Variants in PALLD observed in about 807,000 individuals in gnomAD.
PALLD encodes the protein palladin.
In PALLD, 61 loss-of-function variants were observed where a neutral mutation model predicts 123.5. The observed-to-expected ratio is 0.49, with a 90% CI of 0.40 to 0.61. PALLD has a LOEUF of 0.61. Among genes scored for constraint, PALLD ranks in the 20% least tolerant of loss-of-function variants. PALLD has a pLI of 0.00. For missense variants in PALLD, 1,273 were observed against 1,377.0 expected, an observed-to-expected ratio of 0.92 and a Z score of 1.20; for synonymous variants, 465 against 496.4, an observed-to-expected ratio of 0.94 and a Z score of 0.84.
intron 15 of PALLD, among the ~76,000 whole-genome samples, chr4:168,910,831 T>G (rs771020678): frequency 1.3e-5 from 2 of 152,250 alleles, no homozygotes. Context: ...ATTCCAGGAT[T>G]AAGAGCACTA....
chr4:168,871,991 G>A (rs1415439059), intron 10 of PALLD, among the ~76,000 whole-genome samples: 1 of 152,178 alleles, frequency 6.6e-6, no homozygotes, highest in Non-Finnish European at 1.5e-5. Context: ...ACATCTGGAA[G>A]CCAGCGGCAG....
At chr4:168,681,035 G>A (rs115936255) in intron 3 of PALLD, among the ~76,000 whole-genome samples, 4 of 152,098 alleles carry the variant, frequency 2.6e-5, no homozygotes, top group Non-Finnish European at 4.4e-5. Flanking sequence ...ATAGTTTATA[G>A]CCATTTAAAA....
At chr4:168,551,194 T>C (rs1168763375) in intron 2 of PALLD, among the ~76,000 whole-genome samples, 1 of 152,212 alleles carries the variant, frequency 6.6e-6, no homozygotes, top group African/African-American at 2.4e-5. Context: ...AATAAATCTA[T>C]TTTTATGTGC....
chr4:168,918,070 G>T (rs1760581118), intron 17 of PALLD, among the ~76,000 whole-genome samples: 1 of 151,918 alleles, frequency 6.6e-6, no homozygotes, highest in South Asian at 2.1e-4. Context: ...GTGGTGGCAT[G>T]CATCTGTAGT....
At chr4:168,721,955 C>T (rs1786063054) in intron 10 of PALLD, among the ~76,000 whole-genome samples, 2 of 152,232 alleles carry the variant, frequency 1.3e-5, no homozygotes, top group Admixed American at 1.3e-4. Context: ...TCCAACAACA[C>T]CTGCCCCCAC....
intron 2 of PALLD, among the ~76,000 whole-genome samples, chr4:168,551,104 A>G (rs138963898): frequency 3.0e-4 from 45 of 152,356 alleles, no homozygotes; most frequent in African/African-American, 9.9e-4. Context: ...ATTACAAATC[A>G]CAGAAAGCCA....
In PALLD at chr4:168,711,028, AG is replaced by A. The variant is rs571173482; in HGVS notation, c.1622-550del. On this transcript the variant is annotated intron_variant, in intron 9 of 21. Transcript: ENST00000505667. Reference sequence around the variant, plus strand: ...ATCTCAAGATGCTTTCAGCCTATTGAGGGCAACAAATAAAAATCTCTTTCGT... The same window carrying A: ...ATCTCAAGATGCTTTCAGCCTATTGAGGCAACAAATAAAAATCTCTTTCGT... 2.6e-3 allele frequency among the ~76,000 whole-genome samples: 390 copies of A among 152,320 alleles called. 3 individuals are homozygous for A. Among genetic ancestry groups the A allele is most frequent in the South Asian group, 0.013 (62 of 4,826 alleles).
At chr4:168,541,527 G>A (rs977303227) in intron 2 of PALLD, among the ~76,000 whole-genome samples, 3 of 151,804 alleles carry the variant, frequency 2.0e-5, no homozygotes, top group African/African-American at 7.3e-5. Flanking sequence ...AGGCTGGAGT[G>A]CAGTGGCATG....
At chr4:168,596,284 T>C (rs1771967751) in intron 2 of PALLD, among the ~76,000 whole-genome samples, 1 of 152,146 alleles carries the variant, frequency 6.6e-6, no homozygotes, top group Non-Finnish European at 1.5e-5. Flanking sequence ...ATAAAGATAC[T>C]GTAAAACTAC....
rs1351750406 is a variant in PALLD at position 168,625,506 on chromosome 4, T to TAGATAGATAGATAGATAGATAG, written c.909-42683_909-42682insGATAGATAGATAGATAGATAGA. On this transcript the variant is annotated intron_variant, in intron 2 of 21. Coordinates refer to ENST00000505667, the MANE Select transcript of PALLD (RefSeq NM_001166108.2). ...ATAAGGGATTAATATCCAGGAGATATATATATATATATCCTATAAGGGGTT... is the reference window on the plus strand; with the variant it reads ...ATAAGGGATTAATATCCAGGAGATATAGATAGATAGATAGATAGATAGATATATATATATCCTATAAGGGGTT... Among the ~76,000 whole-genome samples, 361 of 86,316 alleles carry TAGATAGATAGATAGATAGATAG rather than the reference T, an allele frequency of 4.2e-3. 18 individuals are homozygous for TAGATAGATAGATAGATAGATAG. The highest frequency in any genetic ancestry group is 6.5e-3 in the Non-Finnish European group (275 of 42,106). 56.6% of individuals were successfully genotyped at this position (86,316 alleles called of 152,430 possible).
intron 5 of PALLD, among the ~76,000 whole-genome samples, chr4:168,684,190 T>A (rs190840821): frequency 6.6e-6 from 1 of 152,194 alleles, no homozygotes; most frequent in East Asian, 1.9e-4. Flanking sequence ...TGTGACAGAA[T>A]GTATTTAGAT....
intron 10 of PALLD, among the ~76,000 whole-genome samples, chr4:168,811,288 C>T (rs1267620253): frequency 6.6e-6 from 1 of 152,196 alleles, no homozygotes; most frequent in Non-Finnish European, 1.5e-5. Context: ...GCCGTCATAC[C>T]TGTGTTCCCT....
intron 2 of PALLD, among the ~76,000 whole-genome samples, chr4:168,523,924 A>G (rs112790000): frequency 0.029 from 4,360 of 152,282 alleles, 110 homozygotes; most frequent in South Asian, 0.15. Context: ...AACCCTCACG[A>G]AAGTTATTGT....
At chr4:168,750,917 T>C (rs553046182) in intron 10 of PALLD, among the ~76,000 whole-genome samples, 1 of 152,178 alleles carries the variant, frequency 6.6e-6, no homozygotes, top group Non-Finnish European at 1.5e-5. Flanking sequence ...CTCTGTCTGG[T>C]TGGTAACTGA....
chr4:168,907,205 A>C (rs937514859), intron 15 of PALLD, among the ~76,000 whole-genome samples: 1 of 152,202 alleles, frequency 6.6e-6, no homozygotes, highest in Non-Finnish European at 1.5e-5. Context: ...GCTTTCAATA[A>C]ATGCTAGTTA....
intron 10 of PALLD, among the ~76,000 whole-genome samples, chr4:168,718,856 A>G (rs965881268): frequency 2.6e-5 from 4 of 151,738 alleles, no homozygotes; most frequent in Non-Finnish European, 5.9e-5. Flanking sequence ...GTGATTGTAT[A>G]TATTTATTGT....
chr4:168,515,856 G>A (rs1451029944), intron 2 of PALLD, among the ~76,000 whole-genome samples: 1 of 146,308 alleles, frequency 6.8e-6, no homozygotes, highest in Non-Finnish European at 1.5e-5. Context: ...CTAAGCAGCT[G>A]GCTGGAGCTT....
chr4:168,926,060 A>C (rs1312484128), intron 21 of PALLD, among the ~76,000 whole-genome samples, 153 bp from the exon 22 acceptor site: 1 of 152,170 alleles, frequency 6.6e-6, no homozygotes, highest in Non-Finnish European at 1.5e-5. Context: ...ATGTGAGTAA[A>C]ATGCAAAAGT....
intron 10 of PALLD, among the ~76,000 whole-genome samples, chr4:168,780,273 T>C (rs1167265636): frequency 6.6e-6 from 1 of 152,212 alleles, no homozygotes; most frequent in Non-Finnish European, 1.5e-5. Flanking sequence ...TCTTTTCCCT[T>C]AGGCAGGGCA....
Sources: allele counts gnomAD v4.1 joint callset (sites outside exome capture counted in the v4.1 genomes callset), GRCh38; gene constraint gnomAD v4.1.1; transcripts MANE v1.5; gene names NCBI Gene and HGNC (gene_info 2026-07-23, HGNC 2026-07-21).